GLDC: variants seen among roughly 807,000 people sequenced by gnomAD.
The protein encoded by GLDC is glycine dehydrogenase (decarboxylating), mitochondrial.
GLDC carries 104 observed loss-of-function variants against 121.3 expected under a neutral mutation model. The ratio of observed to expected loss-of-function variants is 0.86; its 90% confidence interval spans 0.73 to 1.01. The LOEUF (loss-of-function observed/expected upper bound fraction) is 1.01. Ranked by LOEUF, GLDC falls within the 50% of genes least tolerant of loss-of-function variation. GLDC has a pLI of 0.00. For missense variants in GLDC, 1,429 were observed against 1,306.6 expected, an observed-to-expected ratio of 1.09 and a Z score of -1.44; for synonymous variants, 546 against 480.6, an observed-to-expected ratio of 1.14 and a Z score of -1.78.
chr9:6,571,508 C>T (rs1305683055), intron 15 of GLDC, among the ~76,000 whole-genome samples: 2 of 152,128 alleles, frequency 1.3e-5, no homozygotes, highest in African/African-American at 2.4e-5. Flanking sequence ...GCAGTGAGAT[C>T]GTGCCACTGT....
chr9:6,587,763 A>G (rs1347617215), intron 14 of GLDC, among the ~76,000 whole-genome samples: 3 of 152,208 alleles, frequency 2.0e-5, no homozygotes, highest in Admixed American at 2.0e-4. Flanking sequence ...CAGGAGTCTG[A>G]GATCAGACTG....
At chr9:6,611,323 C>T (rs559679260) in intron 3 of GLDC, among the ~76,000 whole-genome samples, 4 of 152,308 alleles carry the variant, frequency 2.6e-5, no homozygotes, top group Non-Finnish European at 4.4e-5. Context: ...CTTGGGAGGT[C>T]AAGGCGGGCG....
intron 11 of GLDC, among the ~76,000 whole-genome samples, chr9:6,590,984 T>C (rs1001816452): frequency 3.3e-5 from 5 of 152,196 alleles, no homozygotes; most frequent in Non-Finnish European, 7.3e-5. Flanking sequence ...TCTACTTCCT[T>C]TCATCTATCC....
chr9:6,549,433 G>C lies in GLDC; in HGVS notation c.2569+1370C>G, dbSNP rs527832975. Among the ~76,000 whole-genome samples, 20 of 152,274 alleles carry C rather than the reference G, an allele frequency of 1.3e-4. No homozygotes were observed. In the South Asian group the frequency reaches 3.9e-3, roughly 30 times the overall value. Reference sequence around the variant, plus strand: ...ACACGGCAGCAGGAGGGCCAGGCAGGGGTGTTGAGGGAGAGGCACTGTGCC... The same window carrying C: ...ACACGGCAGCAGGAGGGCCAGGCAGCGGTGTTGAGGGAGAGGCACTGTGCC... On this transcript the variant is annotated intron_variant, in intron 21 of 24. Transcript: ENST00000321612.
At chr9:6,611,423 GCA>G (rs1316390442) in intron 3 of GLDC, among the ~76,000 whole-genome samples, 106 of 152,280 alleles carry the variant, frequency 7.0e-4, no homozygotes, top group Non-Finnish European at 1.2e-3. Context: ...AGGCGTGGTG[GCA>G]CGTGCCTGTA....
chr9:6,562,961 T>C (rs1817787340), intron 16 of GLDC, among the ~76,000 whole-genome samples: 1 of 152,184 alleles, frequency 6.6e-6, no homozygotes, highest in South Asian at 2.1e-4. Flanking sequence ...GCCTCTCCCT[T>C]TCCCCCTCTC....
chr9:6,588,602 G>A lies in GLDC; in HGVS notation c.1665+16C>T. ...GGGGTAGCTTGGAAATGAGAAAAAA[G>A]GCCACAAATAACTACCAGTGGAATC... On this transcript the variant is annotated intron_variant, in intron 13 of 24. Transcript: ENST00000321612. 1 of 1,590,248 alleles carries A rather than the reference G, an allele frequency of 6.3e-7. No individual in the cohort carries two copies. The highest frequency in any genetic ancestry group is 1.7e-4 in the Middle Eastern group (1 of 6,010).
chr9:6,534,548 G>A (rs927080247), intron 24 of GLDC, among the ~76,000 whole-genome samples, 160 bp downstream of exon 24: 7 of 152,156 alleles, frequency 4.6e-5, no homozygotes, highest in African/African-American at 7.2e-5. Context: ...CCTCGCCTCT[G>A]AAAGCCAATT....
At chr9:6,641,622 T>C (rs1819631249) in intron 2 of GLDC, among the ~76,000 whole-genome samples, 1 of 152,236 alleles carries the variant, frequency 6.6e-6, no homozygotes, top group Non-Finnish European at 1.5e-5. Flanking sequence ...TCTTCATTTT[T>C]AAAACAGAAG....
rs1818328103 is a variant in GLDC at position 6,589,198 on chromosome 9, T to TGTG, written c.1576_1577insCAC (p.Asn526delinsThrHis). The TGTG allele has an allele frequency of 1.3e-6, 2 of 1,582,496 alleles. No individual in the cohort carries two copies. The highest frequency in any genetic ancestry group is 1.7e-6 in the Non-Finnish European group (2 of 1,151,228). On this transcript the variant is annotated protein_altering_variant, in exon 12 of 25. Transcript: ENST00000321612. ...AAGTCACACAAGACACACAAACCTG[T>TGTG]TGAACACTTGATGGGTGAGGAACGG... is the stretch of plus-strand genomic sequence containing the variant.
chr9:6,570,662 T>C (rs1259545742), intron 15 of GLDC, among the ~76,000 whole-genome samples: 1 of 152,154 alleles, frequency 6.6e-6, no homozygotes, highest in Non-Finnish European at 1.5e-5. Flanking sequence ...GAGACCAACC[T>C]GGCCAACATG....
chr9:6,581,243 A>AT (rs1818165453), intron 15 of GLDC, among the ~76,000 whole-genome samples: 1 of 152,168 alleles, frequency 6.6e-6, no homozygotes, highest in African/African-American at 2.4e-5. Flanking sequence ...ACTGGGACAA[A>AT]TCGGAGGCAT....
chr9:6,635,364 T>C (rs1032497790), intron 2 of GLDC, among the ~76,000 whole-genome samples: 3 of 152,094 alleles, frequency 2.0e-5, no homozygotes, highest in African/African-American at 7.2e-5. Flanking sequence ...CAAACACCAA[T>C]CCAAAAACCA....
chr9:6,639,648 T>C (rs1444671175), intron 2 of GLDC: 1 of 398,480 alleles, frequency 2.5e-6, no homozygotes, highest in African/African-American at 4.5e-5. Flanking sequence ...TATATATATA[T>C]CTTTTCACCA....
intron 8 of GLDC, among the ~76,000 whole-genome samples, chr9:6,601,832 T>C (rs1039797202): frequency 1.3e-5 from 2 of 152,200 alleles, no homozygotes; most frequent in Non-Finnish European, 2.9e-5. Context: ...TGTTTCGCCA[T>C]GTCGCCCAGG....
chr9:6,540,004 G>A (rs780811853), intron 22 of GLDC, 47 bp downstream of exon 22: 15 of 1,181,646 alleles, frequency 1.3e-5, no homozygotes, highest in South Asian at 1.2e-4. Flanking sequence ...TTAGGAAGTG[G>A]TCCACAGCCA....
At chr9:6,554,485 G>T (rs1817577257) in intron 19 of GLDC, among the ~76,000 whole-genome samples, 184 bp downstream of exon 19, 5 of 152,210 alleles carry the variant, frequency 3.3e-5, no homozygotes, top group African/African-American at 9.6e-5. Context: ...ATCTAATTAC[G>T]CTTTTCTTTG....
chr9:6,614,725 A>C (rs913228223), intron 3 of GLDC, among the ~76,000 whole-genome samples: 8 of 152,108 alleles, frequency 5.3e-5, no homozygotes, highest in Non-Finnish European at 1.5e-5. Context: ...TGCATGGCTT[A>C]ACAGAAATAT....
Position 6,555,079 on chromosome 9 carries a change from A to G in GLDC, c.2203-298T>C, listed in dbSNP as rs1929933. The G allele has an allele frequency of 0.23, 105,438 of 456,796 alleles. 13,851 individuals are homozygous for G. The highest frequency in any genetic ancestry group is 0.3 in the Middle Eastern group (474 of 1,570). The allele number at this position is 456,796 out of a possible 1,614,324, so 28.3% of individuals were successfully genotyped here. Reference sequence around the variant, plus strand: ...TCTTCCTAATTATCCACACACCACAAAGGGAGAGAAGTGTCTCTAACACAA... The same window carrying G: ...TCTTCCTAATTATCCACACACCACAGAGGGAGAGAAGTGTCTCTAACACAA... On this transcript the variant is annotated intron_variant, in intron 18 of 24. Transcript: ENST00000321612.
Sources: allele counts gnomAD v4.1 joint callset (sites outside exome capture counted in the v4.1 genomes callset), GRCh38; gene constraint gnomAD v4.1.1; transcripts MANE v1.5; gene names NCBI Gene and HGNC (gene_info 2026-07-23, HGNC 2026-07-21).